The following ECPAS variants were observed in gnomAD, a reference collection of about 807,000 sequenced individuals.
ECPAS encodes the protein Ecm29 proteasome adaptor and scaffold.
In ECPAS, 70 loss-of-function variants were observed where a neutral mutation model predicts 255.1. The observed-to-expected ratio is 0.27, with a 90% CI of 0.23 to 0.33. ECPAS has a LOEUF of 0.33. ECPAS is among the 10% of genes least tolerant of loss of function. ECPAS has a pLI of 1.00. For missense variants in ECPAS, 1,817 were observed against 2,206.4 expected, an observed-to-expected ratio of 0.82 and a Z score of 3.54; for synonymous variants, 784 against 775.0, an observed-to-expected ratio of 1.01 and a Z score of -0.19.
intron 1 of ECPAS, among the ~76,000 whole-genome samples, chr9:111,476,514 T>C (rs1412276275): frequency 6.6e-6 from 1 of 152,076 alleles, no homozygotes; most frequent in Admixed American, 6.6e-5. Context: ...TCAAAACTAA[T>C]GGTTTTCTTT....
chr9:111,393,480 T>C (rs1282682069), intron 27 of ECPAS, among the ~76,000 whole-genome samples, 200 bp downstream of exon 27: 1 of 152,204 alleles, frequency 6.6e-6, no homozygotes, highest in Non-Finnish European at 1.5e-5. Context: ...AGAAAGAATC[T>C]AAGTTTCCTG....
At chr9:111,392,676 G>T in intron 28 of ECPAS, 92 bp downstream of exon 28, 1 of 846,758 alleles carries the variant, frequency 1.2e-6, no homozygotes, top group East Asian at 2.6e-5. Context: ...ACCAAAACAT[G>T]GAAAGCCGAA....
intron 15 of ECPAS, 39 bp from the exon 16 acceptor site, chr9:111,420,159 G>T: frequency 7.5e-7 from 1 of 1,331,090 alleles, no homozygotes; most frequent in Non-Finnish European, 1.1e-6. Flanking sequence ...ACCCCGATCC[G>T]AAAAAGGAAA....
chr9:111,476,959 G>A (rs1220737798), intron 1 of ECPAS, among the ~76,000 whole-genome samples: 1 of 151,884 alleles, frequency 6.6e-6, no homozygotes, highest in African/African-American at 2.4e-5. Context: ...TGCGCCACCA[G>A]GTCTGCCTAA....
intron 2 of ECPAS, among the ~76,000 whole-genome samples, chr9:111,458,649 T>C (rs1169568506): frequency 3.2e-5 from 3 of 94,494 alleles, no homozygotes; most frequent in Non-Finnish European, 6.3e-5. Flanking sequence ...GAGAGGAGGG[T>C]GGGGGGGGTG....
chr9:111,377,783 A>G (rs1461648881), intron 36 of ECPAS, among the ~76,000 whole-genome samples: 1 of 152,178 alleles, frequency 6.6e-6, no homozygotes, highest in Non-Finnish European at 1.5e-5. Flanking sequence ...GAGACCTTCT[A>G]TGGGATTACT....
At chr9:111,470,012 A>ACAAT (rs2098285022) in intron 2 of ECPAS, among the ~76,000 whole-genome samples, 1 of 152,138 alleles carries the variant, frequency 6.6e-6, no homozygotes. Flanking sequence ...CCAGAAAGAG[A>ACAAT]CAATCCATCA....
intron 1 of ECPAS, among the ~76,000 whole-genome samples, chr9:111,482,423 G>A (rs927899172): frequency 1.3e-5 from 2 of 152,146 alleles, no homozygotes; most frequent in Non-Finnish European, 2.9e-5. Flanking sequence ...TTGCTATGAG[G>A]GCAAAAGTGA....
chr9:111,476,701 C>T (rs2098296717), intron 1 of ECPAS, among the ~76,000 whole-genome samples: 2 of 151,380 alleles, frequency 1.3e-5, no homozygotes, highest in Non-Finnish European at 2.9e-5. Context: ...CTCACTCTGT[C>T]ACCCAGGCTG....
chr9:111,445,061 T>C (rs186404856), intron 3 of ECPAS, among the ~76,000 whole-genome samples: 42 of 145,666 alleles, frequency 2.9e-4, no homozygotes, highest in African/African-American at 1.1e-3. Context: ...AGTGGTGCGA[T>C]CTCAGCTCAC....
intron 29 of ECPAS, among the ~76,000 whole-genome samples, chr9:111,390,807 G>T (rs141764530): frequency 2.0e-5 from 3 of 152,160 alleles, no homozygotes; most frequent in Non-Finnish European, 4.4e-5. Flanking sequence ...AAATAAAGGC[G>T]GTCAAGCTCA....
At position 111,474,750 on chromosome 9, in the gene ECPAS, T is replaced by C. The variant is rs1219052736; in HGVS notation, c.-82-1750A>G. On this transcript the variant is annotated intron_variant, in intron 1 of 49. Transcript: ENST00000684092. ...AATAATTTATAAGAGCTTAAGTGTT[T>C]ACACAGTACATTTTCACATACATTA... 2.6e-5 allele frequency among the ~76,000 whole-genome samples: 4 copies of C among 152,238 alleles called. No homozygotes were observed. In the South Asian group the frequency reaches 8.3e-4, roughly 32 times the overall value.
At chr9:111,370,386 T>A in intron 45 of ECPAS, 49 bp downstream of exon 45, 1 of 1,306,932 alleles carries the variant, frequency 7.7e-7, no homozygotes, top group Non-Finnish European at 1.0e-6. Context: ...ATTTTTTAAC[T>A]TTTTCTTTTT....
At chr9:111,381,663 T>C (rs1342244355) in intron 35 of ECPAS, among the ~76,000 whole-genome samples, 5 of 152,218 alleles carry the variant, frequency 3.3e-5, no homozygotes, top group Admixed American at 6.5e-5. Context: ...TTTGAAAGCA[T>C]ATCCCTTAAC....
At chr9:111,385,552 C>G in intron 32 of ECPAS, 110 bp from the exon 33 acceptor site, 1 of 679,450 alleles carries the variant, frequency 1.5e-6, no homozygotes, top group Non-Finnish European at 2.6e-6. Flanking sequence ...GAGTTCTCAT[C>G]CCCTCACCCC....
chr9:111,454,480 G>C (rs1439942584), intron 2 of ECPAS, among the ~76,000 whole-genome samples: 2 of 152,064 alleles, frequency 1.3e-5, no homozygotes, highest in Non-Finnish European at 2.9e-5. Flanking sequence ...TGAGAACATG[G>C]GAATGGGAAG....
intron 22 of ECPAS, 65 bp from the exon 23 acceptor site, chr9:111,410,278 T>C: frequency 7.2e-7 from 1 of 1,384,858 alleles, no homozygotes; most frequent in Non-Finnish European, 9.8e-7. Flanking sequence ...AAGCAACCAG[T>C]GATGTACTCA....
intron 37 of ECPAS, among the ~76,000 whole-genome samples, chr9:111,376,038 C>T (rs182643926): frequency 6.6e-6 from 1 of 152,274 alleles, no homozygotes; most frequent in East Asian, 1.9e-4. Flanking sequence ...CTGCAAATGC[C>T]TTCCTATGAC....
rs2098285470 is a variant in ECPAS, at chr9:111,470,285, G to C, written c.22+2612C>G. ...ACTACAGGCTAGGCTCTTTAAACAG[G>C]GAAGAGGAAAAGAGTCTTTCTTTCC... is the stretch of plus-strand genomic sequence containing the variant. On this transcript the variant is annotated intron_variant, in intron 2 of 49. Transcript: ENST00000684092. Among the ~76,000 whole-genome samples the C allele has an allele frequency of 2.0e-5, 3 of 151,922 alleles. No individual in the cohort carries two copies. The South Asian group carries it at 6.2e-4, about 32-fold the overall frequency.
Sources: allele counts gnomAD v4.1 joint callset (sites outside exome capture counted in the v4.1 genomes callset), GRCh38; gene constraint gnomAD v4.1.1; transcripts MANE v1.5; gene names NCBI Gene and HGNC (gene_info 2026-07-23, HGNC 2026-07-21).